CDH4: variants seen among roughly 807,000 people sequenced by gnomAD.
The protein encoded by CDH4 is cadherin-4.
Under a neutral mutation model 86.0 loss-of-function variants are expected in CDH4, and 33 were observed. The observed-to-expected ratio is 0.38, with a 90% confidence interval of 0.29 to 0.51. CDH4 has a LOEUF of 0.51. Among genes scored for constraint, CDH4 ranks in the 20% least tolerant of loss-of-function variants. The probability of loss-of-function intolerance (pLI) is 0.86; values close to 1 mark genes in which losing one functional copy is unlikely to be tolerated. For synonymous variants in CDH4, 555 were observed against 549.4 expected (o/e 1.01, Z -0.14); for missense variants, 1,114 against 1,307.4 (o/e 0.85, Z 2.28).
chr20:61,439,300 CA>C (rs1477044861), intron 2 of CDH4, among the ~76,000 whole-genome samples: 1 of 119,578 alleles, frequency 8.4e-6, no homozygotes, highest in African/African-American at 3.1e-5. Flanking sequence ...TACAGTGTGA[CA>C]AAACAAACCC....
intron 8 of CDH4, among the ~76,000 whole-genome samples, chr20:61,904,368 C>T (rs2054765114): frequency 6.6e-6 from 1 of 152,072 alleles, no homozygotes; most frequent in Non-Finnish European, 1.5e-5. Flanking sequence ...ACAGGGTGTG[C>T]CCTGTGCTCT....
chr20:61,821,999 C>T (rs918195922), intron 4 of CDH4, among the ~76,000 whole-genome samples: 20 of 152,236 alleles, frequency 1.3e-4, no homozygotes, highest in Non-Finnish European at 1.6e-4. Context: ...TTCCACCCAG[C>T]GAGTGATGGG....
At chr20:61,565,176 T>TA (rs2086263665) in intron 2 of CDH4, among the ~76,000 whole-genome samples, 1 of 93,876 alleles carries the variant, frequency 1.1e-5, no homozygotes, top group Non-Finnish European at 2.2e-5. Flanking sequence ...GATGGGGTGG[T>TA]GGTGGTGGTG....
At chr20:61,760,471 G>T (rs2088621385) in intron 3 of CDH4, among the ~76,000 whole-genome samples, 1 of 152,264 alleles carries the variant, frequency 6.6e-6, no homozygotes, top group South Asian at 2.1e-4. Context: ...GAGAGCCCAG[G>T]CTCCAGGGGC....
intron 4 of CDH4, among the ~76,000 whole-genome samples, chr20:61,774,890 G>A (rs1028850604): frequency 6.6e-6 from 1 of 152,182 alleles, no homozygotes; most frequent in African/African-American, 2.4e-5. Context: ...ATTCCATGGT[G>A]TATTTGTACC....
At chr20:61,705,782 C>A (rs549377278) in intron 2 of CDH4, among the ~76,000 whole-genome samples, 6 of 152,242 alleles carry the variant, frequency 3.9e-5, no homozygotes, top group Non-Finnish European at 7.3e-5. Flanking sequence ...GTGGTGGATG[C>A]CTGCAGAATC....
At chr20:61,498,044 CAG>C (rs1201199420) in intron 2 of CDH4, among the ~76,000 whole-genome samples, 6 of 117,922 alleles carry the variant, frequency 5.1e-5, no homozygotes, top group Non-Finnish European at 9.5e-5. Flanking sequence ...ACATCACACA[CAG>C]GGGCCTGTCA....
At chr20:61,773,317 G>A in intron 4 of CDH4, 135 bp downstream of exon 4, 1 of 862,886 alleles carries the variant, frequency 1.2e-6, no homozygotes, top group Non-Finnish European at 1.7e-6. Flanking sequence ...TCTGTAATGA[G>A]ATAAGCCTTA....
At chr20:61,880,068 C>T (rs796638375) in intron 7 of CDH4, among the ~76,000 whole-genome samples, 2 of 152,232 alleles carry the variant, frequency 1.3e-5, no homozygotes, top group Admixed American at 1.3e-4. Context: ...AGAGTGATAA[C>T]GTGGCTCTGT....
intron 2 of CDH4, among the ~76,000 whole-genome samples, chr20:61,274,027 G>GTGTGCAGTTTGGGGGAGTACCA (rs2084206774): frequency 8.3e-6 from 1 of 120,664 alleles, no homozygotes; most frequent in Admixed American, 8.3e-5. Context: ...GGGGAGTACC[G>GTGTGCAGTTTGGGGGAGTACCA]TGTGCAGTTT....
At chr20:61,353,684 C>T (rs1227821108) in intron 2 of CDH4, among the ~76,000 whole-genome samples, 32 of 9,998 alleles carry the variant, frequency 3.2e-3, no homozygotes, top group Non-Finnish European at 4.3e-3. Context: ...CTCCTCCTCC[C>T]CCTCCTCCTC....
chr20:61,559,661 G>A (rs1346178724), intron 2 of CDH4, among the ~76,000 whole-genome samples: 1 of 151,596 alleles, frequency 6.6e-6, no homozygotes, highest in African/African-American at 2.4e-5. Flanking sequence ...TGGGACTACA[G>A]GCGTGTGCTG....
intron 2 of CDH4, among the ~76,000 whole-genome samples, chr20:61,306,040 C>T (rs192447929): frequency 8.5e-4 from 129 of 152,294 alleles, no homozygotes; most frequent in Non-Finnish European, 1.5e-3. Context: ...AAGTACAGTT[C>T]AGAGTTCAAG....
intron 3 of CDH4, among the ~76,000 whole-genome samples, chr20:61,770,532 C>T (rs1469401751): frequency 1.3e-5 from 2 of 152,240 alleles, no homozygotes; most frequent in African/African-American, 4.8e-5. Flanking sequence ...CGCATATACG[C>T]GTGACGTTCT....
chr20:61,878,959 C>A (rs910035862), intron 7 of CDH4, among the ~76,000 whole-genome samples: 2 of 152,244 alleles, frequency 1.3e-5, no homozygotes, highest in African/African-American at 4.8e-5. Context: ...TTCCTTCGCC[C>A]ACCTCCTGGG....
chr20:61,335,017 G>A (rs552983998), intron 2 of CDH4, among the ~76,000 whole-genome samples: 2 of 152,366 alleles, frequency 1.3e-5, no homozygotes, highest in East Asian at 3.9e-4. Flanking sequence ...TAAGCATGAT[G>A]ACAGCGATGA....
intron 2 of CDH4, among the ~76,000 whole-genome samples, chr20:61,499,090 C>G (rs2085682065): frequency 6.6e-6 from 1 of 152,200 alleles, no homozygotes; most frequent in African/African-American, 2.4e-5. Flanking sequence ...CGGTGGTCCT[C>G]ACTGCTCATG....
At chr20:61,715,057 T>G (rs2087938599) in intron 2 of CDH4, among the ~76,000 whole-genome samples, 1 of 152,218 alleles carries the variant, frequency 6.6e-6, no homozygotes, top group Admixed American at 6.5e-5. Flanking sequence ...TTTCACCACA[T>G]CCACGCCAAC....
chr20:61,312,236 T>TGTG (rs1380266496), intron 2 of CDH4, among the ~76,000 whole-genome samples: 1 of 151,230 alleles, frequency 6.6e-6, no homozygotes, highest in African/African-American at 2.4e-5. Context: ...GGTGTGTGCA[T>TGTG]GTGTGTGGTG....
Sources: gnomAD v4.1 joint callset for allele counts (sites outside exome capture counted in the v4.1 genomes callset) on GRCh38, gnomAD v4.1.1 for gene constraint, MANE v1.5 for transcripts, NCBI Gene and HGNC (gene_info 2026-07-23, HGNC 2026-07-21) for gene names.